The following CAMSAP2 variants were observed in gnomAD, a reference collection of about 807,000 sequenced individuals.
The protein encoded by CAMSAP2 is calmodulin regulated spectrin associated protein family member 2, also known as calmodulin-regulated spectrin-associated protein 2.
CAMSAP2 carries 26 observed loss-of-function variants against 146.1 expected under a neutral mutation model. The ratio of observed to expected loss-of-function variants is 0.18; its 90% confidence interval spans 0.13 to 0.25. CAMSAP2 has a LOEUF of 0.25. Ranked by LOEUF, CAMSAP2 falls within the 10% of genes least tolerant of loss-of-function variation. CAMSAP2 has a pLI of 1.00. For synonymous variants in CAMSAP2, 499 were observed against 596.6 expected (o/e 0.84, Z 2.38); for missense variants, 1,381 against 1,759.3 (o/e 0.78, Z 3.85).
At chr1:200,765,219 T>A (rs1350923867) in intron 2 of CAMSAP2, among the ~76,000 whole-genome samples, 2 of 152,136 alleles carry the variant, frequency 1.3e-5, no homozygotes, top group South Asian at 4.2e-4. Context: ...CTTGCCTTAG[T>A]CATACTTCTT....
At chr1:200,828,353 A>T (rs1666956106) in intron 4 of CAMSAP2, among the ~76,000 whole-genome samples, 1 of 152,332 alleles carries the variant, frequency 6.6e-6, no homozygotes, top group Non-Finnish European at 1.5e-5. Context: ...GAATATCTGT[A>T]TGGGGAGAGG....
At chr1:200,744,648 G>T (rs565620331) in intron 1 of CAMSAP2, among the ~76,000 whole-genome samples, 1 of 152,206 alleles carries the variant, frequency 6.6e-6, no homozygotes, top group African/African-American at 2.4e-5. Context: ...GACTGGTGGC[G>T]TTAGGATGCG....
At chr1:200,773,323 G>A (rs997280969) in intron 2 of CAMSAP2, among the ~76,000 whole-genome samples, 1 of 151,444 alleles carries the variant, frequency 6.6e-6, no homozygotes, top group Non-Finnish European at 1.5e-5. Context: ...GTGTGATCTC[G>A]GCTTACTGCA....
At chr1:200,829,348 G>A (rs991963874) in intron 4 of CAMSAP2, among the ~76,000 whole-genome samples, 13 of 152,046 alleles carry the variant, frequency 8.6e-5, no homozygotes, top group Non-Finnish European at 1.6e-4. Flanking sequence ...GAGCCCAGGA[G>A]TTCAAGACCA....
chr1:200,836,325 A>G (rs957827630), intron 6 of CAMSAP2, among the ~76,000 whole-genome samples: 3 of 152,152 alleles, frequency 2.0e-5, no homozygotes, highest in Non-Finnish European at 4.4e-5. Flanking sequence ...TTTTCGTCAC[A>G]TAAGTGAGAG....
rs556777752 is a variant in CAMSAP2 at position 200,852,250 on chromosome 1, TA to T, written c.3466-283del. 8.7e-4 allele frequency among the ~76,000 whole-genome samples: 133 copies of T among 152,270 alleles called. 2 individuals carry two copies. Among genetic ancestry groups the T allele is most frequent in the African/African-American group, 2.6e-3 (106 of 41,564 alleles). ...CTACTGTAAGTTATTAAATTAGGGT[TA>T]AAAAAAATTTGTGCTTTTTTGTTTT... On this transcript the variant is annotated intron_variant, in intron 11 of 16. Coordinates refer to ENST00000358823, the MANE Select transcript of CAMSAP2 (RefSeq NM_203459.4).
At chr1:200,743,594 A>G (rs1664236843) in intron 1 of CAMSAP2, among the ~76,000 whole-genome samples, 1 of 152,122 alleles carries the variant, frequency 6.6e-6, no homozygotes, top group South Asian at 2.1e-4. Context: ...TAAGAAAAAA[A>G]AAAAAGAAGT....
intron 6 of CAMSAP2, among the ~76,000 whole-genome samples, chr1:200,836,922 G>A (rs1268944772): frequency 1.3e-5 from 2 of 151,922 alleles, no homozygotes; most frequent in African/African-American, 4.8e-5. Context: ...CATGTCCTTT[G>A]CCCACTTCTT....
At chr1:200,748,077 A>T (rs1232384329) in intron 1 of CAMSAP2, among the ~76,000 whole-genome samples, 1 of 151,862 alleles carries the variant, frequency 6.6e-6, no homozygotes, top group African/African-American at 2.4e-5. Flanking sequence ...CTAATCACTG[A>T]AAGTTCTACA....
intron 6 of CAMSAP2, among the ~76,000 whole-genome samples, chr1:200,834,445 T>C (rs761683921): frequency 1.3e-5 from 2 of 152,200 alleles, no homozygotes; most frequent in Non-Finnish European, 2.9e-5. Context: ...GAAAATTAAG[T>C]TGTGTTATGA....
chr1:200,803,451 T>C (rs974219810), intron 2 of CAMSAP2, among the ~76,000 whole-genome samples: 2 of 152,210 alleles, frequency 1.3e-5, no homozygotes, highest in Admixed American at 6.5e-5. Flanking sequence ...ATGCTTTAGG[T>C]AAGCAATTAA....
chr1:200,840,751 A>G (rs1667304996), intron 6 of CAMSAP2, among the ~76,000 whole-genome samples: 1 of 152,240 alleles, frequency 6.6e-6, no homozygotes, highest in Admixed American at 6.5e-5. Flanking sequence ...GAAAATAACC[A>G]TATCCAGGAT....
chr1:200,781,350 T>C (rs530128846), intron 2 of CAMSAP2, among the ~76,000 whole-genome samples: 49 of 152,258 alleles, frequency 3.2e-4, no homozygotes, highest in African/African-American at 1.2e-3. Flanking sequence ...TAGCAGCAAT[T>C]ATGTTGAGTG....
At chr1:200,781,269 A>G (rs997797254) in intron 2 of CAMSAP2, among the ~76,000 whole-genome samples, 1 of 152,230 alleles carries the variant, frequency 6.6e-6, no homozygotes, top group Non-Finnish European at 1.5e-5. Context: ...TGTTTAAAAT[A>G]TACTAGGAAT....
In CAMSAP2 at chr1:200,847,238, C is replaced by G. The variant is rs754883402; in HGVS notation, c.1138C>G (p.His380Asp). 1 of 1,612,108 alleles carries G rather than the reference C, an allele frequency of 6.2e-7. No homozygotes were observed. Among genetic ancestry groups the G allele is most frequent in the Non-Finnish European group, 8.5e-7 (1 of 1,178,996 alleles). Residue 380 changes from histidine to aspartate, a missense_variant, in exon 9 of 17, where the codon CAT (histidine) becomes GAT (aspartate). By Grantham distance (81) the His-to-Asp change is moderately conservative. Around this residue, in one of 4 missense-constraint regions of CAMSAP2, gnomAD observed 447 missense variants for 462.2 expected, o/e 0.97. Transcript: ENST00000358823. ...GGAAGGAGCTACATTTACACAGTCT[C>G]ATCATCATTTGCCTTCTAGGTATTC... ...SGEGATFTQS[H>D]HHLPSRYSRP...
At chr1:200,826,163 G>T (rs1666901491) in intron 4 of CAMSAP2, among the ~76,000 whole-genome samples, 1 of 152,094 alleles carries the variant, frequency 6.6e-6, no homozygotes, top group Non-Finnish European at 1.5e-5. Context: ...GGGCGTGGTG[G>T]CTCACACTTG....
intron 4 of CAMSAP2, chr1:200,828,526 C>G (rs983892794): frequency 3.2e-6 from 5 of 1,540,084 alleles, no homozygotes; most frequent in Middle Eastern, 1.7e-4. Context: ...GATGAATTTT[C>G]CCTTTACCTT....
At position 200,832,850 on chromosome 1, in the gene CAMSAP2, A is replaced by T. The variant is rs1346374605; in HGVS notation, c.927+5A>T. The T allele has an allele frequency of 3.2e-6, 5 of 1,551,522 alleles. No homozygotes were observed. The East Asian group carries it at 1.2e-4, about 36-fold the overall frequency. ...TATGCTGCTTCATCCATAAAGGTAA[A>T]TTAAATTATTCTTTTTTTCCCTTTG... is the stretch of plus-strand genomic sequence containing the variant. On this transcript the variant is annotated splice_donor_5th_base_variant and intron_variant, in intron 6 of 16. Coordinates refer to ENST00000358823, the MANE Select transcript of CAMSAP2 (RefSeq NM_203459.4). This position sits in a 1 kb window ranked among gnomAD's most constrained non-coding sequence, Gnocchi z 4.2.
intron 2 of CAMSAP2, among the ~76,000 whole-genome samples, chr1:200,792,971 C>G (rs1269760422): frequency 6.6e-6 from 1 of 151,982 alleles, no homozygotes; most frequent in Admixed American, 6.6e-5. Context: ...TTTGAACTTA[C>G]AATGAGCTCA....
Sources: gnomAD v4.1 joint callset for allele counts (sites outside exome capture counted in the v4.1 genomes callset) on GRCh38, gnomAD v4.1.1 for gene constraint, gnomAD v4.1.1 regional missense constraint, Gnocchi (gnomAD v3.1) non-coding constraint, MANE v1.5 for transcripts, NCBI Gene and HGNC (gene_info 2026-07-23, HGNC 2026-07-21) for gene names.